Variants in FAM110B observed in about 807,000 individuals in gnomAD.
FAM110B encodes family with sequence similarity 110 member B, also known as protein FAM110B.
A neutral mutation model predicts 20.4 loss-of-function variants in FAM110B; 6 were observed. The ratio of observed to expected loss-of-function variants is 0.29; its 90% CI spans 0.16 to 0.58. The LOEUF (loss-of-function observed/expected upper bound fraction) is 0.58, where lower values mean the gene tolerates loss of function less well. FAM110B is among the 20% of genes least tolerant of loss of function. The pLI, the probability that FAM110B is intolerant of heterozygous loss-of-function variation, is 0.90. For synonymous variants in FAM110B, 226 were observed against 214.1 expected (o/e 1.06, Z -0.49); for missense variants, 434 against 498.2 (o/e 0.87, Z 1.23).
At chr8:58,124,100 G>A in intron 3 of FAM110B, among the ~76,000 whole-genome samples, 1 of 152,164 alleles carries the variant, frequency 6.6e-6, no homozygotes, top group East Asian at 1.9e-4. Flanking sequence ...ACCTAGTGAA[G>A]GAGACAAAGT....
intron 1 of FAM110B, among the ~76,000 whole-genome samples, chr8:58,021,823 A>C (rs1041318004): frequency 2.6e-5 from 4 of 152,164 alleles, no homozygotes; most frequent in Non-Finnish European, 2.9e-5. Flanking sequence ...CTACTAAATG[A>C]TAATACATTT....
rs1804692522 is a variant in FAM110B at position 58,019,110 on chromosome 8, G to A, written c.-511-12496G>A. Among the ~76,000 whole-genome samples the A allele has an allele frequency of 2.6e-5, 4 of 152,138 alleles. No homozygotes were observed. The South Asian group carries it at 8.3e-4, about 32-fold the overall frequency. On this transcript the variant is annotated intron_variant, in intron 1 of 3. Coordinates refer to ENST00000519262, the MANE Select transcript of FAM110B (RefSeq NM_001377989.1). ...CCAGCACTTTGGGAGGCCAAGGTGG[G>A]CAGATCACAAGGTCAAGAGATCGAG...
chr8:58,028,703 G>A (rs1426313376), intron 1 of FAM110B, among the ~76,000 whole-genome samples: 1 of 152,122 alleles, frequency 6.6e-6, no homozygotes, highest in Non-Finnish European at 1.5e-5. Flanking sequence ...ATTTCTTATT[G>A]GATGTTTTGT....
At chr8:58,029,289 C>G (rs1190377685) in intron 1 of FAM110B, among the ~76,000 whole-genome samples, 1 of 152,146 alleles carries the variant, frequency 6.6e-6, no homozygotes, top group Non-Finnish European at 1.5e-5. Flanking sequence ...TGCAGCAAAC[C>G]TATGATTATG....
chr8:58,141,582 C>T (rs1434069021), intron 3 of FAM110B, among the ~76,000 whole-genome samples: 1 of 152,230 alleles, frequency 6.6e-6, no homozygotes, highest in Admixed American at 6.5e-5. Context: ...AGGGCCCTTG[C>T]TCTAACTCCA....
chr8:58,062,704 C>T (rs571496640), intron 2 of FAM110B, among the ~76,000 whole-genome samples: 35 of 152,302 alleles, frequency 2.3e-4, no homozygotes, highest in African/African-American at 7.9e-4. Flanking sequence ...ATTTCAGAAA[C>T]TTGCCAAGGT....
rs6471676 is a variant in FAM110B at position 58,045,673 on chromosome 8, G to A, written c.-414+13970G>A. 6.3e-3 allele frequency among the ~76,000 whole-genome samples: 958 copies of A among 152,174 alleles called. 11 individuals carry two copies. The highest frequency in any genetic ancestry group is 0.021 in the African/African-American group (857 of 41,512). Reference sequence around the variant, plus strand: ...TATTGGATAAAATTCAAAAGTCATCGGCCATCTGTGAAAACCACTGCACTA... The same window carrying A: ...TATTGGATAAAATTCAAAAGTCATCAGCCATCTGTGAAAACCACTGCACTA... On this transcript the variant is annotated intron_variant, in intron 2 of 3. Transcript: ENST00000519262.
intron 1 of FAM110B, among the ~76,000 whole-genome samples, chr8:58,026,807 A>G (rs1483008560): frequency 1.3e-5 from 2 of 152,206 alleles, no homozygotes; most frequent in African/African-American, 4.8e-5. Context: ...TCTACATACA[A>G]TCAAACTTCT....
chr8:57,998,112 T>C (rs780153403), intron 1 of FAM110B, among the ~76,000 whole-genome samples: 1 of 152,266 alleles, frequency 6.6e-6, no homozygotes, highest in Non-Finnish European at 1.5e-5. Context: ...CTTTGAATTT[T>C]GTGGTTAACA....
chr8:58,005,219 G>T (rs1486660036), intron 1 of FAM110B, among the ~76,000 whole-genome samples: 2 of 152,164 alleles, frequency 1.3e-5, no homozygotes, highest in Non-Finnish European at 2.9e-5. Context: ...GAGAGGATAG[G>T]GAGGCCTGAG....
intron 3 of FAM110B, among the ~76,000 whole-genome samples, chr8:58,077,443 A>G (rs1390063968): frequency 6.6e-6 from 1 of 152,186 alleles, no homozygotes; most frequent in Admixed American, 6.5e-5. Flanking sequence ...GCTCACCAGG[A>G]TGGCTGCTGA....
In FAM110B at chr8:58,147,094, G is replaced by A; in HGVS notation, c.864G>A (p.Leu288=). The A allele has an allele frequency of 6.2e-7, 1 of 1,614,160 alleles. No individual in the cohort carries two copies. The highest frequency in any genetic ancestry group is 2.2e-5 in the East Asian group (1 of 44,874). Residue 288 remains leucine (L), a synonymous_variant, in exon 4 of 4, where the codon CTG becomes CTA. Coordinates refer to ENST00000519262, the MANE Select transcript of FAM110B (RefSeq NM_001377989.1). ...FNYCGLDPEE[L]ENLGMENFAR... ...ACTGTGGACTGGACCCGGAAGAGCT[G>A]GAAAACCTGGGAATGGAAAACTTTG... is the stretch of plus-strand genomic sequence containing the variant.
intron 2 of FAM110B, among the ~76,000 whole-genome samples, chr8:58,034,128 G>A (rs539531426): frequency 6.6e-6 from 1 of 152,320 alleles, no homozygotes; most frequent in South Asian, 2.1e-4. Context: ...GACACAGTGG[G>A]CTGCGGTAAC....
chr8:58,004,710 A>G (rs1013582490), intron 1 of FAM110B, among the ~76,000 whole-genome samples: 1 of 152,222 alleles, frequency 6.6e-6, no homozygotes, highest in African/African-American at 2.4e-5. Context: ...GCACCACTGC[A>G]CTCCAGCCTG....
At chr8:58,000,910 T>C (rs1804281911) in intron 1 of FAM110B, among the ~76,000 whole-genome samples, 1 of 152,196 alleles carries the variant, frequency 6.6e-6, no homozygotes, top group Non-Finnish European at 1.5e-5. Flanking sequence ...AAATCAGATT[T>C]TTTCCCCCCA....
intron 1 of FAM110B, among the ~76,000 whole-genome samples, chr8:57,996,003 C>T (rs1011069893): frequency 6.6e-6 from 1 of 152,158 alleles, no homozygotes; most frequent in African/African-American, 2.4e-5. Flanking sequence ...TTATTATTTT[C>T]CCCCCAGTTT....
chr8:58,146,576 C>A lies in FAM110B; in HGVS notation c.346C>A (p.Leu116Met), dbSNP rs752249974. The A allele has an allele frequency of 6.2e-7, 1 of 1,614,038 alleles. No individual in the cohort carries two copies. The highest frequency in any genetic ancestry group is 8.5e-7 in the Non-Finnish European group (1 of 1,179,954). The change falls in exon 4 of 4, where the codon CTG becomes ATG. Residue 116 changes from leucine (L) to methionine (M), a missense_variant. Physicochemically the swap from Leu to Met is conservative, Grantham distance 15. This residue lies in a region of FAM110B where 284 missense variants were observed against 278.3 expected (regional missense o/e 1.02). Transcript: ENST00000519262. ...CGAGAGCGGCGTGCAGAGGGAGAAC[C>A]TGAAGCTGGAGATCCTGAAGAACAT... Reference protein sequence around the residue: ...KTESGVQRENLKLEILKNIIN... With the variant: ...KTESGVQRENMKLEILKNIIN...
At chr8:58,104,708 C>T (rs570626335) in intron 3 of FAM110B, among the ~76,000 whole-genome samples, 12 of 152,066 alleles carry the variant, frequency 7.9e-5, no homozygotes, top group Non-Finnish European at 1.3e-4. Context: ...TGTTTGAAAT[C>T]GTGTTTTTAT....
intron 3 of FAM110B, among the ~76,000 whole-genome samples, chr8:58,129,391 AAATAT>A (rs1807594463): frequency 6.6e-6 from 1 of 152,242 alleles, no homozygotes; most frequent in African/African-American, 2.4e-5. Flanking sequence ...CATTACATGC[AAATAT>A]AACATGACCT....
Sources: allele counts gnomAD v4.1 joint callset (sites outside exome capture counted in the v4.1 genomes callset), GRCh38; gene constraint gnomAD v4.1.1; regional missense constraint gnomAD v4.1.1; transcripts MANE v1.5; gene names NCBI Gene and HGNC (gene_info 2026-07-23, HGNC 2026-07-21).